The following CSNK1G1 variants were observed in gnomAD, a reference collection of about 807,000 sequenced individuals.
CSNK1G1 encodes casein kinase 1 gamma 1.
In CSNK1G1, 22 loss-of-function variants were observed where a neutral mutation model predicts 59.6. That is an observed-to-expected ratio of 0.37 (90% confidence interval 0.26 to 0.53). The LOEUF is 0.53. Ranked by LOEUF, CSNK1G1 falls within the 20% of genes least tolerant of loss-of-function variation. The pLI is 0.89. For synonymous variants in CSNK1G1, 179 were observed against 177.1 expected, an observed-to-expected ratio of 1.01 and a Z score of -0.08; for missense variants, 384 against 519.5, an observed-to-expected ratio of 0.74 and a Z score of 2.54.
chr15:64,265,883 A>C (rs967250522), intron 2 of CSNK1G1: 3 of 454,176 alleles, frequency 6.6e-6, no homozygotes, highest in African/African-American at 6.0e-5. Context: ...CAGGAGTTTG[A>C]GAGCAGCTAA....
rs536334827 is a variant in CSNK1G1 at position 64,327,738 on chromosome 15, G to C, written c.-224-27015C>G. On this transcript the variant is annotated intron_variant, in intron 1 of 11. Coordinates refer to ENST00000303052, the MANE Select transcript of CSNK1G1 (RefSeq NM_022048.5). ...ATCAAATTACTCTGAGCTACGGGAG[G>C]ACATTCAAACCAAAGGCAAAGAAGT... Among the ~76,000 whole-genome samples, 114 of 148,846 alleles carry C rather than the reference G, an allele frequency of 7.7e-4. No homozygotes were observed. In the East Asian group the frequency reaches 0.02, roughly 27 times the overall value.
Position 64,210,933 on chromosome 15 carries a change from C to G in CSNK1G1, c.679+2957G>C, listed in dbSNP as rs1311847246. On this transcript the variant is annotated intron_variant, in intron 6 of 11. Coordinates refer to ENST00000303052, the MANE Select transcript of CSNK1G1 (RefSeq NM_022048.5). This position sits in a 1 kb window ranked among gnomAD's most constrained non-coding sequence, Gnocchi z 4.2. ...GCAGGTTGGTGAGAAGAGCCTAGCA[C>G]CCCCCTTCCCATGTGATCTGCACAT... is the stretch of plus-strand genomic sequence containing the variant. Among the ~76,000 whole-genome samples, 1 of 152,134 alleles carries G rather than the reference C, an allele frequency of 6.6e-6. No individual in the cohort carries two copies. The highest frequency in any genetic ancestry group is 2.4e-5 in the African/African-American group (1 of 41,422).
chr15:64,259,509 C>T (rs1252885560), intron 2 of CSNK1G1, among the ~76,000 whole-genome samples: 2 of 151,466 alleles, frequency 1.3e-5, no homozygotes, highest in Admixed American at 6.6e-5. Context: ...CACACACACA[C>T]ACACACACAC....
intron 10 of CSNK1G1, among the ~76,000 whole-genome samples, chr15:64,196,477 GT>G (rs1196479375): frequency 1.3e-5 from 2 of 151,144 alleles, no homozygotes; most frequent in Non-Finnish European, 3.0e-5. Context: ...TTTGAGACGG[GT>G]TTCACTTTTG....
chr15:64,294,870 C>G (rs535349503), intron 2 of CSNK1G1, among the ~76,000 whole-genome samples: 4 of 146,974 alleles, frequency 2.7e-5, no homozygotes, highest in African/African-American at 1.0e-4. Flanking sequence ...CAAGATCGTG[C>G]CATTGCACTC....
chr15:64,232,001 C>T (rs992255989), intron 4 of CSNK1G1, among the ~76,000 whole-genome samples: 6 of 152,146 alleles, frequency 3.9e-5, no homozygotes, highest in African/African-American at 1.2e-4. Flanking sequence ...TAGCTATAAA[C>T]ACAGTGATGT....
chr15:64,343,748 T>C (rs1420865828), intron 1 of CSNK1G1, among the ~76,000 whole-genome samples: 1 of 151,098 alleles, frequency 6.6e-6, no homozygotes, highest in Non-Finnish European at 1.5e-5. Context: ...ATCACCATAC[T>C]AGAGCTGCGG....
chr15:64,247,172 T>A (rs1465200894), intron 4 of CSNK1G1, among the ~76,000 whole-genome samples: 1 of 152,078 alleles, frequency 6.6e-6, no homozygotes, highest in Non-Finnish European at 1.5e-5. Context: ...GATTGGAAAA[T>A]TTTTAAATTG....
chr15:64,288,831 T>A (rs887784347), intron 2 of CSNK1G1, among the ~76,000 whole-genome samples: 15 of 152,012 alleles, frequency 9.9e-5, no homozygotes, highest in Non-Finnish European at 1.5e-4. Context: ...CATAAACACA[T>A]CTTTCTATAA....
chr15:64,343,045 T>C (rs1370407501), intron 1 of CSNK1G1, among the ~76,000 whole-genome samples: 1 of 152,084 alleles, frequency 6.6e-6, no homozygotes, highest in Non-Finnish European at 1.5e-5. Context: ...AAACCCTACC[T>C]CTATTAAAAA....
chr15:64,231,610 T>C (rs1432240036), intron 4 of CSNK1G1, among the ~76,000 whole-genome samples: 1 of 151,848 alleles, frequency 6.6e-6, no homozygotes, highest in Non-Finnish European at 1.5e-5. Context: ...GGACTTGGTT[T>C]ATTTTTTGTA....
chr15:64,282,129 A>G (rs1894175798), intron 2 of CSNK1G1, among the ~76,000 whole-genome samples: 1 of 151,508 alleles, frequency 6.6e-6, no homozygotes, highest in Admixed American at 6.6e-5. Flanking sequence ...CGGTCTTGCT[A>G]TGTTGTCCAG....
At chr15:64,352,444 C>CTTA (rs1566958692) in intron 1 of CSNK1G1, among the ~76,000 whole-genome samples, 1 of 79,920 alleles carries the variant, frequency 1.3e-5, no homozygotes. Flanking sequence ...AATTTGAATT[C>CTTA]TTCTTTTTTT....
chr15:64,206,089 T>C (rs773153717), intron 7 of CSNK1G1, among the ~76,000 whole-genome samples: 3 of 152,182 alleles, frequency 2.0e-5, no homozygotes, highest in Non-Finnish European at 4.4e-5. Context: ...GGTGATCACT[T>C]GAGGTCAGGA....
At chr15:64,242,429 T>TA (rs1891523767) in intron 4 of CSNK1G1, among the ~76,000 whole-genome samples, 1 of 152,168 alleles carries the variant, frequency 6.6e-6, no homozygotes, top group Admixed American at 6.5e-5. Context: ...TTCTTCCTAC[T>TA]TTTGTATTGT....
At chr15:64,310,205 A>AT (rs993057656) in intron 1 of CSNK1G1, among the ~76,000 whole-genome samples, 1 of 151,996 alleles carries the variant, frequency 6.6e-6, no homozygotes, top group Non-Finnish European at 1.5e-5. Context: ...CAGCTATTTC[A>AT]TTTTTTCCTG....
intron 10 of CSNK1G1, among the ~76,000 whole-genome samples, chr15:64,195,339 C>T (rs74019224): frequency 0.055 from 8,351 of 152,176 alleles, 705 homozygotes; most frequent in African/African-American, 0.18. Flanking sequence ...CCTTCTTTTT[C>T]ACATACCCAC....
At chr15:64,187,263 C>G (rs966678363) in intron 10 of CSNK1G1, among the ~76,000 whole-genome samples, 6 of 152,066 alleles carry the variant, frequency 3.9e-5, no homozygotes, top group African/African-American at 1.4e-4. Context: ...ATGATCTCGG[C>G]TCACTGCAAC....
At position 64,255,867 on chromosome 15, in the gene CSNK1G1, G is replaced by A. The variant is rs554505973; in HGVS notation, c.222+3334C>T. Among the ~76,000 whole-genome samples, 6 of 152,318 alleles carry A rather than the reference G, an allele frequency of 3.9e-5. No homozygotes were observed. The South Asian group carries it at 1.2e-3, about 32-fold the overall frequency. On this transcript the variant is annotated intron_variant, in intron 3 of 11. Transcript: ENST00000303052. ...CAATTCAGGCCAGACTGGAATGTTT[G>A]TATCTGTAGGAAGCGCTATGAAGAA...
Sources: allele counts gnomAD v4.1 joint callset (sites outside exome capture counted in the v4.1 genomes callset), GRCh38; gene constraint gnomAD v4.1.1; non-coding constraint Gnocchi (gnomAD v3.1); transcripts MANE v1.5; gene names NCBI Gene and HGNC (gene_info 2026-07-23, HGNC 2026-07-21).